Variants in ELAVL4 observed in about 807,000 individuals in gnomAD.
The protein encoded by ELAVL4 is ELAV like RNA binding protein 4.
Under a neutral mutation model 35.6 loss-of-function variants are expected in ELAVL4, and 1 was observed. The observed-to-expected ratio is 0.03, with a 90% CI of 0.01 to 0.13. The LOEUF (loss-of-function observed/expected upper bound fraction) is 0.13, where lower values mean the gene tolerates loss of function less well. Among genes scored for constraint, ELAVL4 ranks in the 10% least tolerant of loss-of-function variants. The pLI is 1.00. For missense variants in ELAVL4, 267 were observed against 464.9 expected (o/e 0.57, Z 3.91); for synonymous variants, 156 against 171.0 (o/e 0.91, Z 0.69).
At chr1:50,179,089 C>T (rs565094617) in intron 3 of ELAVL4, among the ~76,000 whole-genome samples, 14 of 152,078 alleles carry the variant, frequency 9.2e-5, no homozygotes, top group African/African-American at 3.4e-4. Context: ...CTAAGTGGAT[C>T]TTAGAGACAA....
intron 1 of ELAVL4, among the ~76,000 whole-genome samples, chr1:50,086,128 CT>C (rs1415174636): frequency 6.6e-6 from 1 of 151,788 alleles, no homozygotes; most frequent in Admixed American, 6.6e-5. Context: ...GAAACTTTTT[CT>C]GTTTTAGACT....
At chr1:50,145,886 C>G (rs1673621834) in intron 2 of ELAVL4, among the ~76,000 whole-genome samples, 1 of 152,172 alleles carries the variant, frequency 6.6e-6, no homozygotes, top group Non-Finnish European at 1.5e-5. Flanking sequence ...TGATTTTCTC[C>G]TAATTGACAA....
At chr1:50,126,078 C>A (rs558966280) in intron 1 of ELAVL4, among the ~76,000 whole-genome samples, 1 of 151,930 alleles carries the variant, frequency 6.6e-6, no homozygotes, top group Non-Finnish European at 1.5e-5. Context: ...AAGCTCAGTC[C>A]CCCTAGGGTG....
chr1:50,136,062 G>C (rs1174081956), intron 1 of ELAVL4, among the ~76,000 whole-genome samples: 1 of 152,146 alleles, frequency 6.6e-6, no homozygotes, highest in African/African-American at 2.4e-5. Flanking sequence ...GAAGGGACTT[G>C]AGCGAATTAA....
rs564914604 is a variant in ELAVL4 at position 50,113,748 on chromosome 1, A to G, written c.9+4550A>G. Among the ~76,000 whole-genome samples, 18 of 152,164 alleles carry G rather than the reference A, an allele frequency of 1.2e-4. No homozygotes were observed. In the East Asian group the frequency reaches 3.5e-3, roughly 29 times the overall value. On this transcript the variant is annotated intron_variant, in intron 1 of 6. Transcript: ENST00000371824. ...AATTCTCCTTTTGAAAGTAAAGTCA[A>G]CCTTTTATTTACCACTATCCATTCC...
intron 2 of ELAVL4, among the ~76,000 whole-genome samples, chr1:50,150,150 G>A (rs1040781322): frequency 2.6e-5 from 4 of 152,212 alleles, no homozygotes; most frequent in Non-Finnish European, 2.9e-5. Flanking sequence ...TTTGGAAGCA[G>A]TGGTCTAATA....
At chr1:50,167,386 G>C (rs1346465716) in intron 2 of ELAVL4, among the ~76,000 whole-genome samples, 1 of 152,198 alleles carries the variant, frequency 6.6e-6, no homozygotes, top group Non-Finnish European at 1.5e-5. Flanking sequence ...GTGAATCCAT[G>C]GATGGTAGTC....
intron 1 of ELAVL4, among the ~76,000 whole-genome samples, chr1:50,092,423 G>A (rs1232545154): frequency 1.3e-5 from 2 of 152,216 alleles, no homozygotes; most frequent in East Asian, 3.9e-4. Flanking sequence ...TGGTTTTAGA[G>A]AGTAATGAAC....
At chr1:50,144,389 C>T (rs1673327335) in intron 1 of ELAVL4, 2 of 255,030 alleles carry the variant, frequency 7.8e-6, no homozygotes, top group South Asian at 8.8e-5. Flanking sequence ...CATTAGATGA[C>T]TTTGCAGCTC....
chr1:50,200,125 G>A (rs1644314228), intron 6 of ELAVL4, among the ~76,000 whole-genome samples: 1 of 152,060 alleles, frequency 6.6e-6, no homozygotes, highest in African/African-American at 2.4e-5. Flanking sequence ...TTGAGTTTGT[G>A]GGGGAAACCC....
intron 1 of ELAVL4, among the ~76,000 whole-genome samples, chr1:50,131,114 A>T (rs1670779775): frequency 6.6e-6 from 1 of 152,170 alleles, no homozygotes; most frequent in African/African-American, 2.4e-5. Flanking sequence ...TTTAGTTTCA[A>T]AATACATGTA....
At chr1:50,080,517 T>G (rs1664962560) in intron 1 of ELAVL4, among the ~76,000 whole-genome samples, 1 of 152,196 alleles carries the variant, frequency 6.6e-6, no homozygotes, top group South Asian at 2.1e-4. Flanking sequence ...TATATATGTG[T>G]ATATATTTCT....
At chr1:50,122,069 A>T (rs375072768) in intron 1 of ELAVL4, among the ~76,000 whole-genome samples, 2 of 152,044 alleles carry the variant, frequency 1.3e-5, no homozygotes, top group East Asian at 1.9e-4. Context: ...TCTCTATTTT[A>T]TGGACAAGCT....
At chr1:50,154,320 T>C (rs978704422) in intron 2 of ELAVL4, among the ~76,000 whole-genome samples, 1 of 152,258 alleles carries the variant, frequency 6.6e-6, no homozygotes, top group African/African-American at 2.4e-5. Context: ...GCGTCTGTGA[T>C]CTGAGAACCA....
At chr1:50,140,262 A>T (rs1159568620) in intron 1 of ELAVL4, among the ~76,000 whole-genome samples, 1 of 152,208 alleles carries the variant, frequency 6.6e-6, no homozygotes. Flanking sequence ...TGATATATTT[A>T]TTTGCAATGA....
chr1:50,104,134 G>A (rs1258453061), upstream of ELAVL4: 1 of 922,876 alleles, frequency 1.1e-6, no homozygotes, highest in Non-Finnish European at 1.7e-6. Flanking sequence ...TTTCCTTTGT[G>A]CAGCTTCATA....
rs547881997 is a variant in ELAVL4, at chr1:50,066,922, A to G, written c.18+18740A>G. 2.0e-5 allele frequency among the ~76,000 whole-genome samples: 3 copies of G among 152,212 alleles called. No individual in the cohort carries two copies. In the South Asian group the frequency reaches 6.2e-4, roughly 32 times the overall value. ...ATGTCCCATTTTTCCTTTTCCCTCA[A>G]ACTGTCTCATTGATGTAACATGAAA... On this transcript the variant is annotated intron_variant, in intron 1 of 6. Transcript: ENST00000448907.
intron 2 of ELAVL4, among the ~76,000 whole-genome samples, chr1:50,156,817 A>G (rs909285401): frequency 3.9e-5 from 6 of 152,300 alleles, no homozygotes; most frequent in African/African-American, 1.4e-4. Context: ...AGGGTTTCCC[A>G]CATTCTTGCT....
chr1:50,070,563 A>G (rs755350210), intron 1 of ELAVL4, among the ~76,000 whole-genome samples: 73 of 152,148 alleles, frequency 4.8e-4, no homozygotes, highest in Non-Finnish European at 8.8e-4. Context: ...CAACATGGTG[A>G]AACACCGTCT....
Sources: allele counts gnomAD v4.1 joint callset (sites outside exome capture counted in the v4.1 genomes callset), GRCh38; gene constraint gnomAD v4.1.1; transcripts MANE v1.5; gene names NCBI Gene and HGNC (gene_info 2026-07-23, HGNC 2026-07-21).